LANCL1: variants seen among roughly 807,000 people sequenced by gnomAD.
LANCL1 encodes glutathione S-transferase LANCL1.
A neutral mutation model predicts 50.6 loss-of-function variants in LANCL1; 50 were observed. The observed-to-expected ratio is 0.99, with a 90% CI of 0.79 to 1.25. LANCL1 has a LOEUF of 1.25. Ranked by LOEUF, LANCL1 falls within the 50% of genes most tolerant of loss-of-function variation. The probability of loss-of-function intolerance (pLI) is 0.00; values close to 1 mark genes in which losing one functional copy is unlikely to be tolerated. For missense variants in LANCL1, 532 were observed against 480.7 expected (o/e 1.11, Z -1.00); for synonymous variants, 188 against 178.6 (o/e 1.05, Z -0.42).
chr2:210,458,727 T>C (rs1693742760), intron 3 of LANCL1, among the ~76,000 whole-genome samples: 1 of 152,148 alleles, frequency 6.6e-6, no homozygotes, highest in Non-Finnish European at 1.5e-5. Context: ...AACCCCTCTG[T>C]TGGAGAATCA....
rs1692935470 is a variant in LANCL1 at position 210,436,411 on chromosome 2, C to T, written c.874-19G>A. 1 of 1,610,328 alleles carries T rather than the reference C, an allele frequency of 6.2e-7. No homozygotes were observed. Among genetic ancestry groups the T allele is most frequent in the Non-Finnish European group, 8.5e-7 (1 of 1,177,070 alleles). On this transcript the variant is annotated intron_variant, in intron 7 of 9. Coordinates refer to ENST00000450366, the MANE Select transcript of LANCL1 (RefSeq NM_006055.3). ...TGAATACCTGCAGAGGCAAAGGACA[C>T]ATTTTATTATACGGGATATAAAAGA...
In LANCL1 at chr2:210,455,317, G is replaced by GAAAAA. The variant is rs59908560; in HGVS notation, c.200-8_200-4dup. 378 of 1,419,608 alleles carry GAAAAA rather than the reference G, an allele frequency of 2.7e-4. 2 individuals are homozygous for GAAAAA. The highest frequency in any genetic ancestry group is 6.1e-4 in the South Asian group (47 of 77,220). The allele number at this position is 1,419,608 out of a possible 1,614,324, so 87.9% of individuals were successfully genotyped here. ...ATGTAAGTAAAGCACAGCAATACCTGAAAAAAAAAAAAGGAAACAATGTAA... is the reference window on the plus strand; with the variant it reads ...ATGTAAGTAAAGCACAGCAATACCTGAAAAAAAAAAAAAAAAAGGAAACAATGTAA... On this transcript the variant is annotated splice_region_variant and splice_polypyrimidine_tract_variant and intron_variant, in intron 3 of 9. Transcript: ENST00000450366.
intron 3 of LANCL1, among the ~76,000 whole-genome samples, chr2:210,463,275 A>AT (rs2105917976): frequency 6.6e-6 from 1 of 151,940 alleles, no homozygotes; most frequent in East Asian, 1.9e-4. Context: ...CAGTGGCACG[A>AT]TTTTGGCTCA....
intron 4 of LANCL1, among the ~76,000 whole-genome samples, chr2:210,443,430 A>T (rs1158168346): frequency 6.6e-6 from 1 of 152,238 alleles, no homozygotes; most frequent in Non-Finnish European, 1.5e-5. Context: ...ACAAAATGAT[A>T]TTAGCACAAA....
At chr2:210,458,592 T>C (rs1693738147) in intron 3 of LANCL1, among the ~76,000 whole-genome samples, 1 of 152,138 alleles carries the variant, frequency 6.6e-6, no homozygotes. Context: ...ACTGGAAAGA[T>C]ACCTGTCTAG....
chr2:210,437,707 G>C lies in LANCL1; in HGVS notation c.856C>G (p.Leu286Val), dbSNP rs781440890. Reference protein sequence around the residue: ...CHGAPGVIYMLIQAYKVFREE... With the variant: ...CHGAPGVIYMVIQAYKVFREE... ...CACAGTACCTTATAGGCCTGGATGA[G>C]CATGTAGATTACCCCAGGGGCGCCA... The change falls in exon 7 of 10, where the codon CTC becomes GTC. Residue 286 changes from leucine (L) to valine (V), a missense_variant. Leu to Val is a conservative substitution (Grantham distance 32, BLOSUM62 1). Transcript: ENST00000450366. The C allele has an allele frequency of 1.9e-6, 3 of 1,603,610 alleles. No homozygotes were observed. Among genetic ancestry groups the C allele is most frequent in the Non-Finnish European group, 2.6e-6 (3 of 1,175,662 alleles).
intron 7 of LANCL1, 82 bp from the exon 8 acceptor site, chr2:210,436,474 A>C (rs775227341): frequency 7.5e-7 from 1 of 1,341,250 alleles, no homozygotes; most frequent in Non-Finnish European, 1.0e-6. Context: ...GATAAGAAGG[A>C]AAGAGGGAGA....
At chr2:210,435,656 G>GT (rs1692902590) in intron 8 of LANCL1, among the ~76,000 whole-genome samples, 197 bp from the exon 9 acceptor site, 1 of 152,130 alleles carries the variant, frequency 6.6e-6, no homozygotes, top group Non-Finnish European at 1.5e-5. Context: ...TCTGAGTCAC[G>GT]TATCTACAAG....
At chr2:210,440,785 C>G in intron 5 of LANCL1, 41 bp from the exon 6 acceptor site, 1 of 1,581,656 alleles carries the variant, frequency 6.3e-7, no homozygotes, top group Non-Finnish European at 8.6e-7. Flanking sequence ...GTTAACTGAA[C>G]AAAAATCTTC....
intron 3 of LANCL1, among the ~76,000 whole-genome samples, chr2:210,469,630 T>C (rs866613359): frequency 3.3e-5 from 5 of 152,306 alleles, no homozygotes; most frequent in Admixed American, 1.3e-4. Context: ...ATGAGTATCA[T>C]AGATACTTGA....
chr2:210,434,645 T>C (rs1455911378), intron 9 of LANCL1, 82 bp from the exon 10 acceptor site: 1 of 1,159,568 alleles, frequency 8.6e-7, no homozygotes, highest in African/African-American at 1.5e-5. Context: ...CATATCTTTA[T>C]TGACAAAAAA....
chr2:210,438,107 G>A (rs1431231120), intron 6 of LANCL1, among the ~76,000 whole-genome samples: 1 of 150,612 alleles, frequency 6.6e-6, no homozygotes, highest in Non-Finnish European at 1.5e-5. Context: ...AACTCTTAGG[G>A]CCTTTTGTAT....
chr2:210,464,576 T>C (rs1014067308), intron 3 of LANCL1, among the ~76,000 whole-genome samples: 7 of 152,172 alleles, frequency 4.6e-5, no homozygotes, highest in African/African-American at 1.7e-4. Flanking sequence ...GAAAAAGGTG[T>C]GTCATGAATG....
chr2:210,472,818 A>C (rs932767255), intron 2 of LANCL1, among the ~76,000 whole-genome samples: 8 of 152,222 alleles, frequency 5.3e-5, no homozygotes, highest in Admixed American at 4.6e-4. Flanking sequence ...TAAATGAGAT[A>C]GTGTATCACA....
chr2:210,433,776 C>T lies in LANCL1; in HGVS notation c.*711G>A, dbSNP rs1647154954. ...TATTGTTAGCTTATCTTAAACTAAC[C>T]TTCAACTCAGAATTTTCACAATGAT... On this transcript the variant is annotated 3_prime_UTR_variant, in exon 10 of 10. Transcript: ENST00000450366. The T allele has an allele frequency of 6.6e-6, 1 of 152,004 alleles. No homozygotes were observed. Among genetic ancestry groups the T allele is most frequent in the African/African-American group, 2.4e-5 (1 of 41,378 alleles). 9.4% of individuals were successfully genotyped at this position (152,004 alleles called of 1,614,324 possible).
chr2:210,473,261 G>A (rs896795057), intron 2 of LANCL1, among the ~76,000 whole-genome samples: 8 of 152,108 alleles, frequency 5.3e-5, no homozygotes, highest in Admixed American at 1.3e-4. Context: ...TGTAATCCCA[G>A]CTATTCGGAA....
chr2:210,461,845 T>C (rs1480456203), intron 3 of LANCL1, among the ~76,000 whole-genome samples: 1 of 152,136 alleles, frequency 6.6e-6, no homozygotes, highest in East Asian at 1.9e-4. Context: ...CATTTTCCCT[T>C]ATTGTCTCTT....
chr2:210,448,165 T>C (rs375629193), intron 4 of LANCL1, among the ~76,000 whole-genome samples: 1 of 152,148 alleles, frequency 6.6e-6, no homozygotes, highest in Admixed American at 6.5e-5. Context: ...CAGGCCATAG[T>C]GCAATCAAAT....
intron 4 of LANCL1, among the ~76,000 whole-genome samples, chr2:210,449,857 T>A (rs1236233575): frequency 6.6e-6 from 1 of 152,108 alleles, no homozygotes; most frequent in Non-Finnish European, 1.5e-5. Flanking sequence ...CACAAACAAA[T>A]GGAAAAACAT....
Sources: allele counts gnomAD v4.1 joint callset (sites outside exome capture counted in the v4.1 genomes callset), GRCh38; gene constraint gnomAD v4.1.1; transcripts MANE v1.5; gene names NCBI Gene and HGNC (gene_info 2026-07-23, HGNC 2026-07-21).